Variants in KCNG3 observed in about 807,000 individuals in gnomAD.
KCNG3 encodes the protein voltage-gated potassium channel regulatory subunit KCNG3.
KCNG3 carries 15 observed loss-of-function variants against 29.0 expected under a neutral mutation model. That is an observed-to-expected ratio of 0.52 (90% confidence interval 0.35 to 0.80). KCNG3 has a LOEUF of 0.80. Ranked by LOEUF, KCNG3 falls within the 30% of genes least tolerant of loss-of-function variation. KCNG3 has a pLI of 0.01. For missense variants in KCNG3, 512 were observed against 605.7 expected (o/e 0.85, Z 1.62); for synonymous variants, 322 against 248.9 (o/e 1.29, Z -2.76).
chr2:42,469,140 C>T (rs376120675), intron 1 of KCNG3, among the ~76,000 whole-genome samples: 6 of 150,604 alleles, frequency 4.0e-5, no homozygotes, highest in African/African-American at 9.8e-5. Flanking sequence ...GATGGCAGGC[C>T]GGGCGCAGTG....
chr2:42,447,693 T>C (rs1312155984), intron 1 of KCNG3, among the ~76,000 whole-genome samples: 1 of 152,024 alleles, frequency 6.6e-6, no homozygotes, highest in Non-Finnish European at 1.5e-5. Flanking sequence ...TTTTTTTCTT[T>C]TTTTTTCTTT....
At chr2:42,416,207 G>T in the KCNG3 span, among the ~76,000 whole-genome samples, 3 of 152,116 alleles carry the variant, frequency 2.0e-5, no homozygotes, top group African/African-American at 7.2e-5. Context: ...AAGGCAGGAG[G>T]AATAGTGAGA....
chr2:42,444,292 C>G lies in KCNG3; in HGVS notation c.953G>C (p.Arg318Pro), dbSNP rs1385455715. Reference protein sequence around the residue: ...GLQTLGLTLKRCYREMVMLLV... With the variant: ...GLQTLGLTLKPCYREMVMLLV... ...TAACATAACCATCTCTCGGTAGCAA[C>G]GTTTGAGAGTCAAACCGAGTGTCTG... is the stretch of plus-strand genomic sequence containing the variant. Residue 318 changes from arginine (R) to proline (P), a missense_variant, in exon 2 of 2, where the codon CGT (arginine) becomes CCT (proline). Physicochemically the swap from Arg to Pro is moderately radical, Grantham distance 103 (BLOSUM62 -2). Transcript: ENST00000306078. The surrounding 1 kb of genome is among the most constrained non-coding windows in gnomAD (Gnocchi z 5.8). 6.2e-7 allele frequency: 1 copy of G among 1,614,180 alleles called. No homozygotes were observed.
At chr2:42,484,383 A>C (rs1375640085) in intron 1 of KCNG3, among the ~76,000 whole-genome samples, 1 of 152,132 alleles carries the variant, frequency 6.6e-6, no homozygotes, top group Admixed American at 6.5e-5. Context: ...AATTGCTTGA[A>C]CCAGGGAGGC....
At chr2:42,426,581 C>A in the KCNG3 span, among the ~76,000 whole-genome samples, 1 of 152,112 alleles carries the variant, frequency 6.6e-6, no homozygotes, top group South Asian at 2.1e-4. Flanking sequence ...TGGTTAAAAC[C>A]AATACATAAT....
At position 42,480,534 on chromosome 2, in the gene KCNG3, C is replaced by A. The variant is rs540376743; in HGVS notation, c.665+12303G>T. Among the ~76,000 whole-genome samples, 6 of 152,170 alleles carry A rather than the reference C, an allele frequency of 3.9e-5. No individual in the cohort carries two copies. The East Asian group carries it at 1.2e-3, about 29-fold the overall frequency. ...AAAGTAGTAGGAAAGCTGCCATAAA[C>A]AATATGTAAAAGAATGAGTGTGGCT... On this transcript the variant is annotated intron_variant, in intron 1 of 1. Transcript: ENST00000306078.
At chr2:42,492,691 C>T (rs1673920848) in intron 1 of KCNG3, 146 bp downstream of exon 1, 2 of 649,910 alleles carry the variant, frequency 3.1e-6, no homozygotes, top group Non-Finnish European at 2.3e-6. Context: ...CGACCGGTCC[C>T]GTAGTTGGCC....
At chr2:42,424,436 TAA>T in the KCNG3 span, among the ~76,000 whole-genome samples, 23 of 138,356 alleles carry the variant, frequency 1.7e-4, no homozygotes, top group South Asian at 1.4e-3. Context: ...TCCGTCCCTT[TAA>T]AAAAAAAAAA....
intron 1 of KCNG3, among the ~76,000 whole-genome samples, chr2:42,477,578 T>C (rs1368347344): frequency 6.6e-6 from 1 of 151,488 alleles, no homozygotes; most frequent in Non-Finnish European, 1.5e-5. Flanking sequence ...ACAAAATTTT[T>C]ATTAGATATT....
At chr2:42,479,977 T>C (rs1003364049) in intron 1 of KCNG3, among the ~76,000 whole-genome samples, 6 of 152,132 alleles carry the variant, frequency 3.9e-5, no homozygotes, top group African/African-American at 1.4e-4. Context: ...GCATGCACCA[T>C]TGCACTCCAG....
chr2:42,459,411 C>A (rs1405707777), intron 1 of KCNG3, among the ~76,000 whole-genome samples: 1 of 152,184 alleles, frequency 6.6e-6, no homozygotes, highest in Non-Finnish European at 1.5e-5. Flanking sequence ...CCTGGCAAGT[C>A]AACTAATGTG....
chr2:42,389,384 A>G, the KCNG3 span, among the ~76,000 whole-genome samples: 2 of 152,144 alleles, frequency 1.3e-5, no homozygotes, highest in Non-Finnish European at 2.9e-5. Context: ...CTGGTTTCTT[A>G]CCAACTTTAC....
chr2:42,451,204 CAAAAAAAA>C (rs67651134), intron 1 of KCNG3, among the ~76,000 whole-genome samples: 5 of 61,022 alleles, frequency 8.2e-5, no homozygotes, highest in East Asian at 6.2e-4. Context: ...GACTCCAACT[CAAAAAAAA>C]AAAAAAAAAA....
intron 1 of KCNG3, among the ~76,000 whole-genome samples, chr2:42,477,723 A>G (rs1173249943): frequency 6.6e-6 from 1 of 151,958 alleles, no homozygotes; most frequent in Non-Finnish European, 1.5e-5. Flanking sequence ...TATTAAAAAT[A>G]TAAAAATTAG....
At chr2:42,432,934 T>TAAAAAAAAAA in the KCNG3 span, among the ~76,000 whole-genome samples, 5 of 132,762 alleles carry the variant, frequency 3.8e-5, no homozygotes, top group Non-Finnish European at 6.5e-5. Context: ...GCTTTTATGA[T>TAAAAAAAAAA]AAAAAAAAAA....
chr2:42,414,644 T>A, the KCNG3 span, among the ~76,000 whole-genome samples: 1 of 152,166 alleles, frequency 6.6e-6, no homozygotes. Context: ...GAAAAATTCT[T>A]AGCTATTCTA....
the KCNG3 span, among the ~76,000 whole-genome samples, chr2:42,402,909 G>A: frequency 6.6e-6 from 1 of 152,022 alleles, no homozygotes; most frequent in Non-Finnish European, 1.5e-5. Context: ...TTTGTCAAAG[G>A]GCTACCAAAA....
downstream of KCNG3, among the ~76,000 whole-genome samples, chr2:42,441,110 G>A (rs902410631): frequency 3.3e-5 from 5 of 152,212 alleles, no homozygotes; most frequent in Non-Finnish European, 7.3e-5. Flanking sequence ...GCCAGGCACA[G>A]TGTCTCATGC....
the KCNG3 span, among the ~76,000 whole-genome samples, chr2:42,409,358 C>T: frequency 6.6e-6 from 1 of 152,014 alleles, no homozygotes; most frequent in African/African-American, 2.4e-5. Context: ...GCCTGGTGAT[C>T]TTTTAATTAA....
Sources: allele counts gnomAD v4.1 joint callset (sites outside exome capture counted in the v4.1 genomes callset), GRCh38; gene constraint gnomAD v4.1.1; non-coding constraint Gnocchi (gnomAD v3.1); transcripts MANE v1.5; gene names NCBI Gene and HGNC (gene_info 2026-07-23, HGNC 2026-07-21).